The following ANKRD6 variants were observed in gnomAD, a reference collection of about 807,000 sequenced individuals.
The protein encoded by ANKRD6 is ankyrin repeat domain-containing protein 6.
A neutral mutation model predicts 82.3 loss-of-function variants in ANKRD6; 56 were observed. The ratio of observed to expected loss-of-function variants is 0.68; its 90% CI spans 0.55 to 0.85. The LOEUF is 0.85. ANKRD6 is among the 40% of genes least tolerant of loss of function. The pLI, the probability that ANKRD6 is intolerant of heterozygous loss-of-function variation, is 0.00. For missense variants in ANKRD6, 852 were observed against 907.6 expected, an observed-to-expected ratio of 0.94 and a Z score of 0.79; for synonymous variants, 347 against 352.1, an observed-to-expected ratio of 0.99 and a Z score of 0.16.
intron 3 of ANKRD6, among the ~76,000 whole-genome samples, chr6:89,600,374 T>C (rs542331380): frequency 6.6e-6 from 1 of 152,324 alleles, no homozygotes; most frequent in African/African-American, 2.4e-5. Context: ...TGAAGGCCCT[T>C]CGTGAAATAA....
chr6:89,492,747 T>C (rs138684468), intron 1 of ANKRD6, among the ~76,000 whole-genome samples: 14 of 152,338 alleles, frequency 9.2e-5, no homozygotes, highest in African/African-American at 3.1e-4. Context: ...CTTTCAGAGA[T>C]TCACAACAGG....
intron 2 of ANKRD6, among the ~76,000 whole-genome samples, chr6:89,586,719 C>T (rs1274233393): frequency 6.6e-6 from 1 of 152,064 alleles, no homozygotes; most frequent in East Asian, 1.9e-4. Flanking sequence ...TCTGGGCTGC[C>T]ACCTGTGAGG....
intron 2 of ANKRD6, among the ~76,000 whole-genome samples, chr6:89,586,690 AG>A (rs1355085629): frequency 4.0e-5 from 6 of 150,904 alleles, no homozygotes; most frequent in Non-Finnish European, 7.4e-5. Flanking sequence ...GTCTTGGGGG[AG>A]AAAAAAAGAA....
At chr6:89,614,097 T>A (rs1800899507) in intron 7 of ANKRD6, among the ~76,000 whole-genome samples, 1 of 152,226 alleles carries the variant, frequency 6.6e-6, no homozygotes, top group Admixed American at 6.5e-5. Context: ...TGTGCCCTTA[T>A]AATTCCTGTG....
In ANKRD6 at chr6:89,496,615, C is replaced by T. The variant is rs527422363; in HGVS notation, c.-144+63240C>T. Among the ~76,000 whole-genome samples the T allele has an allele frequency of 3.6e-4, 55 of 152,174 alleles. No homozygotes were observed. The South Asian group carries it at 0.011, about 31-fold the overall frequency. On this transcript the variant is annotated intron_variant, in intron 1 of 15. Transcript: ENST00000339746. Reference sequence around the variant, plus strand: ...TCGGGTCACTGCAACCTCCTCCTCCCGGGTTTAAGCAATTCTCCTGCCTCA... The same window carrying T: ...TCGGGTCACTGCAACCTCCTCCTCCTGGGTTTAAGCAATTCTCCTGCCTCA...
At chr6:89,544,548 A>G (rs754588011) in intron 1 of ANKRD6, among the ~76,000 whole-genome samples, 1 of 151,998 alleles carries the variant, frequency 6.6e-6, no homozygotes, top group African/African-American at 2.4e-5. Flanking sequence ...CCCCATCGCT[A>G]CTAATAATAC....
intron 2 of ANKRD6, among the ~76,000 whole-genome samples, chr6:89,577,899 T>G (rs1791498340): frequency 6.6e-6 from 1 of 152,260 alleles, no homozygotes; most frequent in Non-Finnish European, 1.5e-5. Context: ...AGACAAAGGT[T>G]GTTTTATGCA....
chr6:89,536,478 C>T (rs995210697), intron 1 of ANKRD6, among the ~76,000 whole-genome samples: 1 of 152,226 alleles, frequency 6.6e-6, no homozygotes, highest in Non-Finnish European at 1.5e-5. Flanking sequence ...CTCTGCATTG[C>T]TTTCAGGCTC....
At chr6:89,588,350 C>T (rs1794196822) in intron 2 of ANKRD6, among the ~76,000 whole-genome samples, 1 of 152,162 alleles carries the variant, frequency 6.6e-6, no homozygotes, top group African/African-American at 2.4e-5. Flanking sequence ...CTCCTACTAC[C>T]TCTCTCTTAA....
At chr6:89,452,053 G>T (rs936067444) in intron 1 of ANKRD6, among the ~76,000 whole-genome samples, 4 of 152,024 alleles carry the variant, frequency 2.6e-5, no homozygotes, top group Admixed American at 6.6e-5. Flanking sequence ...AATTAGCCAG[G>T]TGTGGTATTC....
chr6:89,565,074 G>T (rs1237285136), intron 1 of ANKRD6, among the ~76,000 whole-genome samples: 1 of 152,184 alleles, frequency 6.6e-6, no homozygotes, highest in African/African-American at 2.4e-5. Flanking sequence ...ATAGTGTAAC[G>T]GTCTGGGAAA....
chr6:89,475,676 A>G (rs1775961597), intron 1 of ANKRD6, among the ~76,000 whole-genome samples: 1 of 152,224 alleles, frequency 6.6e-6, no homozygotes, highest in African/African-American at 2.4e-5. Context: ...TGTCCTAGAT[A>G]GATGAGGTGA....
chr6:89,445,546 A>C lies in ANKRD6; in HGVS notation c.-144+12171A>C, dbSNP rs553717390. On this transcript the variant is annotated intron_variant, in intron 1 of 15. Transcript: ENST00000339746. ...ACCGCAACCTCCACCTCCTGGGTTCAAGTGGTTCCCCTCCCTCAGCCTCCT... is the reference window on the plus strand; with the variant it reads ...ACCGCAACCTCCACCTCCTGGGTTCCAGTGGTTCCCCTCCCTCAGCCTCCT... Among the ~76,000 whole-genome samples, 268 of 152,268 alleles carry C rather than the reference A, an allele frequency of 1.8e-3. 1 individual carries two copies. The highest frequency in any genetic ancestry group is 3.0e-3 in the Non-Finnish European group (206 of 68,016).
At chr6:89,558,819 G>A (rs1319711821) in intron 1 of ANKRD6, among the ~76,000 whole-genome samples, 1 of 151,492 alleles carries the variant, frequency 6.6e-6, no homozygotes, top group Admixed American at 6.6e-5. Flanking sequence ...GTAGGGGTGG[G>A]GGTGGGCAAA....
intron 1 of ANKRD6, chr6:89,478,454 C>A: frequency 6.6e-6 from 1 of 151,918 alleles, no homozygotes; most frequent in Non-Finnish European, 1.5e-5. Context: ...TTTAATTGGC[C>A]GGGCACGGTG....
chr6:89,444,199 G>T (rs1771772345), intron 1 of ANKRD6, among the ~76,000 whole-genome samples: 2 of 152,190 alleles, frequency 1.3e-5, no homozygotes, highest in African/African-American at 2.4e-5. Context: ...TCTCCAGAAG[G>T]TACTATCCTG....
intron 1 of ANKRD6, among the ~76,000 whole-genome samples, chr6:89,531,275 G>A (rs1319012087): frequency 3.9e-5 from 6 of 152,304 alleles, no homozygotes; most frequent in Admixed American, 6.5e-5. Context: ...AGGAGGTAGC[G>A]GAAACAATAG....
chr6:89,595,203 A>C (rs968781828), intron 2 of ANKRD6, among the ~76,000 whole-genome samples: 8 of 152,146 alleles, frequency 5.3e-5, no homozygotes, highest in African/African-American at 1.9e-4. Flanking sequence ...GTCTACTTGA[A>C]ATACAGAAAT....
chr6:89,630,359 A>C, intron 15 of ANKRD6, 74 bp from the exon 16 acceptor site: 1 of 1,519,122 alleles, frequency 6.6e-7, no homozygotes, highest in South Asian at 1.3e-5. Flanking sequence ...TTAAGACTCT[A>C]AAATACTGAC....
Sources: gnomAD v4.1 joint callset for allele counts (sites outside exome capture counted in the v4.1 genomes callset) on GRCh38, gnomAD v4.1.1 for gene constraint, MANE v1.5 for transcripts, NCBI Gene and HGNC (gene_info 2026-07-23, HGNC 2026-07-21) for gene names.